PBLD: variants seen among roughly 807,000 people sequenced by gnomAD.
The protein encoded by PBLD is phenazine biosynthesis-like domain-containing protein.
PBLD carries 26 observed loss-of-function variants against 31.3 expected under a neutral mutation model. The observed-to-expected ratio is 0.83, with a 90% CI of 0.61 to 1.15. The LOEUF (loss-of-function observed/expected upper bound fraction) is 1.15, where lower values mean the gene tolerates loss of function less well. Among genes scored for constraint, PBLD ranks in the 50% most tolerant of loss-of-function variants. PBLD has a pLI of 0.00. For synonymous variants in PBLD, 114 were observed against 129.0 expected (o/e 0.88, Z 0.79); for missense variants, 307 against 351.7 (o/e 0.87, Z 1.02).
At chr10:68,291,686 G>A (rs1219084828) in intron 6 of PBLD, among the ~76,000 whole-genome samples, 2 of 152,020 alleles carry the variant, frequency 1.3e-5, no homozygotes, top group African/African-American at 4.8e-5. Context: ...CTAAAGGCTG[G>A]TCTCCTCCCA....
intron 2 of PBLD, among the ~76,000 whole-genome samples, chr10:68,306,436 T>C (rs2044580095): frequency 6.6e-6 from 1 of 152,176 alleles, no homozygotes; most frequent in African/African-American, 2.4e-5. Context: ...CACACAAAAC[T>C]CATCTAATTT....
intron 1 of PBLD, among the ~76,000 whole-genome samples, chr10:68,324,930 T>G (rs1427145548): frequency 1.5e-5 from 2 of 130,190 alleles, no homozygotes; most frequent in African/African-American, 5.9e-5. Context: ...CTCCACACTT[T>G]AATCAGAACT....
At chr10:68,302,630 G>A (rs1425984556) in intron 2 of PBLD, among the ~76,000 whole-genome samples, 2 of 151,964 alleles carry the variant, frequency 1.3e-5, no homozygotes, top group Non-Finnish European at 2.9e-5. Context: ...ATCACCTGAG[G>A]CCAGAAGTTA....
At chr10:68,286,617 G>C (rs1353200967) in intron 8 of PBLD, among the ~76,000 whole-genome samples, 1 of 152,070 alleles carries the variant, frequency 6.6e-6, no homozygotes, top group Admixed American at 6.6e-5. Flanking sequence ...GGGATTATAG[G>C]CATGAGCCAC....
chr10:68,316,379 A>C (rs182888509), intron 1 of PBLD, among the ~76,000 whole-genome samples: 1 of 152,280 alleles, frequency 6.6e-6, no homozygotes, highest in East Asian at 1.9e-4. Flanking sequence ...GTCCAACAGC[A>C]GGTTTAAGCA....
At position 68,288,733 on chromosome 10, in the gene PBLD, A is replaced by G. The variant is rs1223808098; in HGVS notation, c.513-72T>C. 3.0e-5 allele frequency: 46 copies of G among 1,512,816 alleles called. No individual in the cohort carries two copies. In the Admixed American group the frequency reaches 8.2e-4, roughly 27 times the overall value. 93.7% of individuals were successfully genotyped at this position (1,512,816 alleles called of 1,614,324 possible). The stretch of plus-strand genomic sequence containing the variant: ...ACTCACCACACAGACTCTGTGAAGC[A>G]GGCCAGGGTGCAGCTTGCTCAAAGA... On this transcript the variant is annotated intron_variant, in intron 7 of 9. Transcript: ENST00000358769.
At position 68,284,206 on chromosome 10, in the gene PBLD, C is replaced by G; in HGVS notation, c.838G>C (p.Val280Leu). 6.2e-7 allele frequency: 1 copy of G among 1,614,098 alleles called. No homozygotes were observed. The highest frequency in any genetic ancestry group is 8.5e-7 in the Non-Finnish European group (1 of 1,179,980). Residue 280 changes from valine to leucine, a missense_variant, in exon 10 of 10, where the codon GTT becomes CTT. Physicochemically the swap from Val to Leu is conservative, Grantham distance 32. Transcript: ENST00000358769. ...GCTGTCAGTGTGCCCTCTAAAACAACAGCTGCACCTCCTCTAATGTCAACC... is the reference window on the plus strand; with the variant it reads ...GCTGTCAGTGTGCCCTCTAAAACAAGAGCTGCACCTCCTCTAATGTCAACC... ...GRVDIRGGAA[V>L]VLEGTLTA
At chr10:68,322,180 T>C (rs559779385) in intron 1 of PBLD, among the ~76,000 whole-genome samples, 1 of 151,406 alleles carries the variant, frequency 6.6e-6, no homozygotes, top group African/African-American at 2.5e-5. Flanking sequence ...ATAACCCCTG[T>C]CTAATCCTGA....
intron 1 of PBLD, among the ~76,000 whole-genome samples, chr10:68,330,483 C>T (rs1442427731): frequency 1.3e-5 from 2 of 152,204 alleles, no homozygotes; most frequent in East Asian, 3.9e-4. Flanking sequence ...TCTAACATTA[C>T]CCCATCTTCC....
Position 68,284,064 on chromosome 10 carries a change from C to T in PBLD, c.*113G>A, listed in dbSNP as rs2044257900. 1 of 1,047,212 alleles carries T rather than the reference C, an allele frequency of 9.5e-7. No individual in the cohort carries two copies. Among genetic ancestry groups the T allele is most frequent in the Non-Finnish European group, 1.4e-6 (1 of 714,658 alleles). The allele number at this position is 1,047,212 out of a possible 1,614,324, so 64.9% of individuals were successfully genotyped here. A position where few individuals can be genotyped will look rare whatever the true frequency, so the allele number is the denominator to read the frequency against. On this transcript the variant is annotated 3_prime_UTR_variant, in exon 10 of 10. Coordinates refer to ENST00000358769, the MANE Select transcript of PBLD (RefSeq NM_022129.4). ...GCCTGGCCCATTTTTCGATTTTTAA[C>T]ATGAGGATTAAGTAGACTACTACGC...
chr10:68,304,796 T>C (rs1036489021), intron 2 of PBLD, among the ~76,000 whole-genome samples: 3 of 152,246 alleles, frequency 2.0e-5, no homozygotes, highest in African/African-American at 7.2e-5. Context: ...GCAGTTATAG[T>C]CAATTCCACA....
chr10:68,331,031 G>A (rs1006201214), intron 1 of PBLD: 1 of 152,060 alleles, frequency 6.6e-6, no homozygotes, highest in African/African-American at 2.4e-5. Flanking sequence ...CTGCCATCAC[G>A]CCCAGCTAAT....
chr10:68,322,056 C>T (rs1238553579), intron 1 of PBLD, among the ~76,000 whole-genome samples: 2 of 152,124 alleles, frequency 1.3e-5, no homozygotes, highest in African/African-American at 4.8e-5. Context: ...AGTAACTTTA[C>T]AGTGGAGAAA....
At chr10:68,323,814 A>G (rs780812244) in intron 1 of PBLD, among the ~76,000 whole-genome samples, 4 of 152,208 alleles carry the variant, frequency 2.6e-5, no homozygotes, top group Non-Finnish European at 5.9e-5. Flanking sequence ...ACTGTAAATA[A>G]TAAATTCTCA....
chr10:68,325,247 GA>G (rs2044900530), intron 1 of PBLD, among the ~76,000 whole-genome samples: 1 of 151,696 alleles, frequency 6.6e-6, no homozygotes, highest in Non-Finnish European at 1.5e-5. Context: ...CCGTCTCAGG[GA>G]AAACAACAAA....
At chr10:68,310,966 C>T (rs780576198) in intron 1 of PBLD, among the ~76,000 whole-genome samples, 1 of 152,198 alleles carries the variant, frequency 6.6e-6, no homozygotes, top group Non-Finnish European at 1.5e-5. Flanking sequence ...GCTCAGAACA[C>T]TTACATTAGC....
At chr10:68,290,720 T>TA (rs956837633) in intron 6 of PBLD, among the ~76,000 whole-genome samples, 27 of 150,684 alleles carry the variant, frequency 1.8e-4, no homozygotes, top group African/African-American at 3.9e-4. Flanking sequence ...CCGTCTCAAA[T>TA]AAAAAAAAAG....
intron 2 of PBLD, among the ~76,000 whole-genome samples, chr10:68,297,433 C>A (rs969604407): frequency 2.0e-5 from 3 of 152,306 alleles, no homozygotes; most frequent in South Asian, 2.1e-4. Flanking sequence ...GGGCTTCAGG[C>A]CAGGGGTCAC....
intron 1 of PBLD, among the ~76,000 whole-genome samples, chr10:68,319,053 G>GAGAGAAAGAAAGAA (rs1431193816): frequency 1.0e-5 from 1 of 98,834 alleles, no homozygotes; most frequent in East Asian, 3.6e-4. Context: ...AAGAAAGAGA[G>GAGAGAAAGAAAGAA]AGAAAGAAAG....
Sources: gnomAD v4.1 joint callset for allele counts (sites outside exome capture counted in the v4.1 genomes callset) on GRCh38, gnomAD v4.1.1 for gene constraint, MANE v1.5 for transcripts, NCBI Gene and HGNC (gene_info 2026-07-23, HGNC 2026-07-21) for gene names.